Variants in ANKRD31 observed in about 807,000 individuals in gnomAD.
ANKRD31 encodes the protein ankyrin repeat domain 31, also known as ankyrin repeat domain-containing protein 31.
ANKRD31 carries 147 observed loss-of-function variants against 186.0 expected under a neutral mutation model. The ratio of observed to expected loss-of-function variants is 0.79; its 90% confidence interval spans 0.69 to 0.91. The LOEUF (loss-of-function observed/expected upper bound fraction) is 0.91. Ranked by LOEUF, ANKRD31 falls within the 40% of genes least tolerant of loss-of-function variation. ANKRD31 has a pLI of 0.00. For synonymous variants in ANKRD31, 673 were observed against 736.4 expected, an observed-to-expected ratio of 0.91 and a Z score of 1.39; for missense variants, 1,986 against 2,148.8, an observed-to-expected ratio of 0.92 and a Z score of 1.50.
At chr5:75,088,925 T>C (rs1408986063) in intron 23 of ANKRD31, among the ~76,000 whole-genome samples, 3 of 152,212 alleles carry the variant, frequency 2.0e-5, no homozygotes, top group Non-Finnish European at 4.4e-5. Context: ...ATAAGAAAGC[T>C]GAAGTTCAGA....
chr5:75,232,906 A>C (rs1015856034), intron 1 of ANKRD31, among the ~76,000 whole-genome samples: 4 of 152,220 alleles, frequency 2.6e-5, no homozygotes, highest in Non-Finnish European at 4.4e-5. Context: ...ATTTCTCAAT[A>C]GCCAAGAGAA....
chr5:75,218,596 G>T (rs573024430), intron 3 of ANKRD31, among the ~76,000 whole-genome samples: 1 of 152,120 alleles, frequency 6.6e-6, no homozygotes, highest in South Asian at 2.1e-4. Flanking sequence ...CTCATTCTAG[G>T]AGGCTAGCAT....
intron 22 of ANKRD31, among the ~76,000 whole-genome samples, chr5:75,098,248 A>C (rs1180092947): frequency 6.6e-6 from 1 of 151,912 alleles, no homozygotes; most frequent in Admixed American, 6.6e-5. Context: ...CGGCCTCCCA[A>C]AGTGCTGGGA....
At chr5:75,194,259 G>T (rs1365704149) in intron 7 of ANKRD31, among the ~76,000 whole-genome samples, 1 of 152,054 alleles carries the variant, frequency 6.6e-6, no homozygotes, top group African/African-American at 2.4e-5. Flanking sequence ...TTCTAAGTAA[G>T]TCTCCTTTCT....
rs1460527496 is a variant in ANKRD31, at chr5:75,188,684, T to C, written c.1409-36A>G. 3 of 1,477,344 alleles carry C rather than the reference T, an allele frequency of 2.0e-6. No homozygotes were observed. In the African/African-American group the frequency reaches 4.2e-5, roughly 21 times the overall value. 91.5% of individuals were successfully genotyped at this position (1,477,344 alleles called of 1,614,324 possible). On this transcript the variant is annotated intron_variant, in intron 9 of 25. Transcript: ENST00000506364. ...GGAATGAACAAAAGAAAAAAATCAT[T>C]ATTTGAATATCAGAAGGAATACGGA...
In ANKRD31 at chr5:75,118,204, T is replaced by C; in HGVS notation, c.3970A>G (p.Lys1324Glu). The change falls in exon 18 of 26, where the codon AAA becomes GAA. Residue 1324 changes from lysine to glutamate, a missense_variant. Transcript: ENST00000506364. The stretch of plus-strand genomic sequence containing the variant: ...GCACCATAAGATCTTAGTAATTCTT[T>C]CATTTTTTCATCATCTGCTTCATCC... Reference protein sequence around the residue: ...ALDEADDEKMKELLRSYGAIE... With the variant: ...ALDEADDEKMEELLRSYGAIE... 1 of 1,529,860 alleles carries C rather than the reference T, an allele frequency of 6.5e-7. No individual in the cohort carries two copies. The highest frequency in any genetic ancestry group is 8.7e-7 in the Non-Finnish European group (1 of 1,144,814). 94.8% of individuals were successfully genotyped at this position (1,529,860 alleles called of 1,614,324 possible). A position where few individuals can be genotyped will look rare whatever the true frequency, so the allele number is the denominator to read the frequency against.
intron 10 of ANKRD31, among the ~76,000 whole-genome samples, chr5:75,176,411 A>T (rs1753803213): frequency 6.6e-6 from 1 of 152,178 alleles, no homozygotes; most frequent in African/African-American, 2.4e-5. Context: ...GCAGCTTGAG[A>T]TCTGAGAAAG....
chr5:75,224,121 A>G (rs1278265284), intron 2 of ANKRD31, among the ~76,000 whole-genome samples: 1 of 129,166 alleles, frequency 7.7e-6, no homozygotes, highest in Non-Finnish European at 1.6e-5. Flanking sequence ...GAGATCTCTC[A>G]GAAATAATTA....
rs146482532 is a variant in ANKRD31 at position 75,094,083 on chromosome 5, T to C, written c.5332-2682A>G. Among the ~76,000 whole-genome samples the C allele has an allele frequency of 1.9e-4, 29 of 152,298 alleles. No individual in the cohort carries two copies. In the East Asian group the frequency reaches 5.2e-3, roughly 27 times the overall value. On this transcript the variant is annotated intron_variant, in intron 22 of 25. Coordinates refer to ENST00000506364, the MANE Select transcript of ANKRD31 (RefSeq NM_001372053.1). ...AAAAAACAATAGATACAGAAGTTAGTGCTGGGCCTATAACTTATAGAAATG... is the reference window on the plus strand; with the variant it reads ...AAAAAACAATAGATACAGAAGTTAGCGCTGGGCCTATAACTTATAGAAATG...
In ANKRD31 at chr5:75,169,213, C is replaced by T. The variant is rs1210811371; in HGVS notation, c.1565-92G>A. 4 of 1,379,636 alleles carry T rather than the reference C, an allele frequency of 2.9e-6. No individual in the cohort carries two copies. In the East Asian group the frequency reaches 7.6e-5, roughly 26 times the overall value. The allele number at this position is 1,379,636 out of a possible 1,614,324, so 85.5% of individuals were successfully genotyped here. On this transcript the variant is annotated intron_variant, in intron 10 of 25. Transcript: ENST00000506364. Reference sequence around the variant, plus strand: ...TAAAAAACAACTTTGATTCTAAGTTCTTTCTTCAAAAATATTTTGATTATA... The same window carrying T: ...TAAAAAACAACTTTGATTCTAAGTTTTTTCTTCAAAAATATTTTGATTATA...
chr5:75,084,196 A>T, intron 24 of ANKRD31, 76 bp downstream of exon 24: 1 of 1,087,278 alleles, frequency 9.2e-7, no homozygotes, highest in Non-Finnish European at 1.3e-6. Flanking sequence ...AAAAAGACAA[A>T]ATAAAATGAG....
chr5:75,151,546 C>T (rs555435704), intron 12 of ANKRD31, among the ~76,000 whole-genome samples: 35 of 152,132 alleles, frequency 2.3e-4, no homozygotes, highest in Non-Finnish European at 4.7e-4. Context: ...GTTTCACTTC[C>T]ACCATGATTG....
intron 23 of ANKRD31, among the ~76,000 whole-genome samples, chr5:75,086,089 T>C (rs888652472): frequency 6.6e-6 from 1 of 152,226 alleles, no homozygotes; most frequent in Admixed American, 6.5e-5. Context: ...AGATTTTGTA[T>C]GTGTTATGCC....
chr5:75,106,348 T>C (rs758617108), intron 21 of ANKRD31, among the ~76,000 whole-genome samples: 5 of 152,084 alleles, frequency 3.3e-5, no homozygotes, highest in Non-Finnish European at 7.4e-5. Context: ...ATAATATAGA[T>C]ATATCTTGCC....
intron 24 of ANKRD31, among the ~76,000 whole-genome samples, chr5:75,081,688 G>A (rs922329534): frequency 1.3e-5 from 2 of 151,078 alleles, no homozygotes; most frequent in African/African-American, 4.9e-5. Flanking sequence ...AGGAGGCAGA[G>A]AGAGAGAGAG....
intron 22 of ANKRD31, among the ~76,000 whole-genome samples, chr5:75,103,314 A>G (rs978328713): frequency 1.3e-5 from 2 of 152,192 alleles, no homozygotes; most frequent in Non-Finnish European, 2.9e-5. Context: ...CTCTCACACC[A>G]CTCAGAACAG....
intron 11 of ANKRD31, among the ~76,000 whole-genome samples, chr5:75,165,866 G>C (rs1752886485): frequency 1.3e-5 from 2 of 152,078 alleles, no homozygotes; most frequent in Non-Finnish European, 2.9e-5. Flanking sequence ...TGATGTATGA[G>C]GCTTAATGTA....
intron 6 of ANKRD31, among the ~76,000 whole-genome samples, chr5:75,197,304 C>CT (rs1755533652): frequency 6.6e-6 from 1 of 152,180 alleles, no homozygotes; most frequent in Non-Finnish European, 1.5e-5. Context: ...GCTTTAAAGG[C>CT]ACTGAAAAAT....
intron 21 of ANKRD31, among the ~76,000 whole-genome samples, chr5:75,105,959 T>C (rs972526720): frequency 4.6e-5 from 7 of 152,280 alleles, no homozygotes; most frequent in African/African-American, 1.7e-4. Context: ...GACCTTCAGA[T>C]TATTGGACAC....
Sources: allele counts gnomAD v4.1 joint callset (sites outside exome capture counted in the v4.1 genomes callset), GRCh38; gene constraint gnomAD v4.1.1; transcripts MANE v1.5; gene names NCBI Gene and HGNC (gene_info 2026-07-23, HGNC 2026-07-21).